SFMBT2: variants seen among roughly 807,000 people sequenced by gnomAD.
The protein encoded by SFMBT2 is scm-like with four MBT domains protein 2.
SFMBT2 carries 38 observed loss-of-function variants against 110.1 expected under a neutral mutation model. That is an observed-to-expected ratio of 0.35 (90% confidence interval 0.27 to 0.45). The LOEUF (loss-of-function observed/expected upper bound fraction) is 0.45, where lower values mean the gene tolerates loss of function less well. SFMBT2 is among the 20% of genes least tolerant of loss of function. The pLI is 1.00. For synonymous variants in SFMBT2, 425 were observed against 425.4 expected, an observed-to-expected ratio of 1.00 and a Z score of 0.01; for missense variants, 1,011 against 1,094.9, an observed-to-expected ratio of 0.92 and a Z score of 1.08.
At chr10:7,181,727 C>T (rs893389530) in intron 16 of SFMBT2, among the ~76,000 whole-genome samples, 1 of 152,102 alleles carries the variant, frequency 6.6e-6, no homozygotes, top group Non-Finnish European at 1.5e-5. Context: ...CCAACCTGAA[C>T]CAATAAACAG....
intron 1 of SFMBT2, among the ~76,000 whole-genome samples, chr10:7,389,526 C>T (rs933893208): frequency 1.3e-5 from 2 of 152,048 alleles, no homozygotes; most frequent in African/African-American, 4.8e-5. Flanking sequence ...TTATACAATA[C>T]ACTTTGTGGT....
intron 14 of SFMBT2, among the ~76,000 whole-genome samples, chr10:7,198,355 T>C (rs1403662202): frequency 6.6e-6 from 1 of 152,264 alleles, no homozygotes; most frequent in Non-Finnish European, 1.5e-5. Flanking sequence ...TCAACAGTGC[T>C]TTCATGAATA....
At chr10:7,234,281 C>A (rs1396170582) in intron 9 of SFMBT2, among the ~76,000 whole-genome samples, 4 of 151,472 alleles carry the variant, frequency 2.6e-5, no homozygotes, top group Non-Finnish European at 5.9e-5. Context: ...ACTAGCCCTA[C>A]CGCCTTCCTT....
At position 7,380,798 on chromosome 10, in the gene SFMBT2, T is replaced by G. The variant is rs141792825; in HGVS notation, c.100+1001A>C. ...GGTGTGGTGAATCACACTTATAATCTCAGCACTTTGGGAGGCTAAGGCAGG... is the reference window on the plus strand; with the variant it reads ...GGTGTGGTGAATCACACTTATAATCGCAGCACTTTGGGAGGCTAAGGCAGG... On this transcript the variant is annotated intron_variant, in intron 2 of 20. Coordinates refer to ENST00000397167, the MANE Select transcript of SFMBT2 (RefSeq NM_001387889.1). Among the ~76,000 whole-genome samples the G allele has an allele frequency of 2.4e-3, 363 of 152,252 alleles. 1 individual carries two copies. The highest frequency in any genetic ancestry group is 8.5e-3 in the African/African-American group (354 of 41,540).
chr10:7,378,607 G>C, intron 2 of SFMBT2, among the ~76,000 whole-genome samples: 1 of 145,756 alleles, frequency 6.9e-6, no homozygotes, highest in African/African-American at 2.5e-5. Context: ...TGGGGTGGGT[G>C]TGAGTGTGGG....
chr10:7,228,330 C>T (rs1419721564), intron 9 of SFMBT2: 8 of 769,450 alleles, frequency 1.0e-5, no homozygotes, highest in Admixed American at 6.4e-5. Context: ...GCTTACTTTT[C>T]GGTGTCTTTA....
At chr10:7,312,133 G>A (rs1842874432) in intron 4 of SFMBT2, among the ~76,000 whole-genome samples, 1 of 152,102 alleles carries the variant, frequency 6.6e-6, no homozygotes, top group African/African-American at 2.4e-5. Context: ...TGTTAATGAT[G>A]AGTTAATGGG....
chr10:7,362,035 A>G (rs1844736064), intron 4 of SFMBT2, among the ~76,000 whole-genome samples: 1 of 152,226 alleles, frequency 6.6e-6, no homozygotes, highest in South Asian at 2.1e-4. Flanking sequence ...GCCCCTTGCA[A>G]GCATTGCATG....
At chr10:7,325,327 A>C (rs1327183781) in intron 4 of SFMBT2, among the ~76,000 whole-genome samples, 1 of 152,170 alleles carries the variant, frequency 6.6e-6, no homozygotes, top group African/African-American at 2.4e-5. Context: ...GAATTTGGGG[A>C]GTTCACAAAC....
intron 4 of SFMBT2, among the ~76,000 whole-genome samples, chr10:7,319,220 C>A (rs7088880): frequency 6.6e-6 from 1 of 152,180 alleles, no homozygotes; most frequent in East Asian, 1.9e-4. Context: ...TCATCAAGTT[C>A]GCAGTACTCC....
intron 9 of SFMBT2, among the ~76,000 whole-genome samples, chr10:7,233,796 C>G (rs1564397765): frequency 6.6e-6 from 1 of 152,224 alleles, no homozygotes; most frequent in Non-Finnish European, 1.5e-5. Flanking sequence ...TCCTTGAACA[C>G]CCACTAAAGC....
rs768302535 is a variant in SFMBT2 at position 7,220,528 on chromosome 10, T to C, written c.1213A>G (p.Ser405Gly). The change falls in exon 11 of 21, where the codon AGT becomes GGT. Residue 405 changes from serine to glycine, a missense_variant. This residue lies in a region of SFMBT2 where 979 missense variants were observed against 1,016.1 expected (regional missense o/e 0.96). Coordinates refer to ENST00000397167, the MANE Select transcript of SFMBT2 (RefSeq NM_001387889.1). ...TTCATGTTCTTTGTGAAACCTCGAC[T>C]GAATGATGTCTGCAAGAGAAACGAG... is the stretch of plus-strand genomic sequence containing the variant. ...PPFCFRNTSF[S>G]RGFTKNMKLE... 48 of 1,614,164 alleles carry C rather than the reference T, an allele frequency of 3.0e-5. No homozygotes were observed. In the South Asian group the frequency reaches 4.5e-4, roughly 15 times the overall value.
intron 10 of SFMBT2, 145 bp downstream of exon 10, chr10:7,227,710 G>C (rs995523909): frequency 1.5e-6 from 1 of 674,516 alleles, no homozygotes; most frequent in South Asian, 1.9e-5. Flanking sequence ...TGAAAGCAGA[G>C]CTTTCCAAAA....
intron 4 of SFMBT2, among the ~76,000 whole-genome samples, chr10:7,328,391 G>C (rs1843461434): frequency 6.6e-6 from 1 of 152,066 alleles, no homozygotes; most frequent in Non-Finnish European, 1.5e-5. Context: ...TATGTGATTT[G>C]AAAATATTTT....
intron 1 of SFMBT2, among the ~76,000 whole-genome samples, chr10:7,397,519 C>G (rs1326119001): frequency 2.0e-5 from 3 of 152,110 alleles, no homozygotes; most frequent in African/African-American, 7.2e-5. Context: ...AGAAAGCTGT[C>G]TCATTTCACA....
At chr10:7,226,981 C>CA (rs1441491031) in intron 10 of SFMBT2, among the ~76,000 whole-genome samples, 2 of 152,176 alleles carry the variant, frequency 1.3e-5, no homozygotes, top group African/African-American at 2.4e-5. Context: ...ATAACCCCAT[C>CA]ATTAAGCAAT....
intron 4 of SFMBT2, among the ~76,000 whole-genome samples, chr10:7,343,501 C>T (rs1843994209): frequency 6.6e-6 from 1 of 152,182 alleles, no homozygotes; most frequent in Non-Finnish European, 1.5e-5. Flanking sequence ...GTTACATTCC[C>T]ACCAGCAGTG....
intron 9 of SFMBT2, among the ~76,000 whole-genome samples, chr10:7,231,123 T>C (rs1019929157): frequency 6.6e-6 from 1 of 152,166 alleles, no homozygotes; most frequent in Admixed American, 6.5e-5. Context: ...GTAACGTGGC[T>C]GGATGACGAG....
chr10:7,322,044 A>G (rs1420906814), intron 4 of SFMBT2, among the ~76,000 whole-genome samples: 2 of 152,164 alleles, frequency 1.3e-5, no homozygotes, highest in African/African-American at 4.8e-5. Flanking sequence ...ACGGTACATG[A>G]TATTGTTTGG....
Sources: allele counts gnomAD v4.1 joint callset (sites outside exome capture counted in the v4.1 genomes callset), GRCh38; gene constraint gnomAD v4.1.1; regional missense constraint gnomAD v4.1.1; transcripts MANE v1.5; gene names NCBI Gene and HGNC (gene_info 2026-07-23, HGNC 2026-07-21).